KANSL1: variants seen among roughly 807,000 people sequenced by gnomAD.
The protein encoded by KANSL1 is MLL1/MLL complex subunit KANSL1.
A neutral mutation model predicts 103.6 loss-of-function variants in KANSL1; 22 were observed. The observed-to-expected ratio is 0.21, with a 90% CI of 0.15 to 0.30. The LOEUF (loss-of-function observed/expected upper bound fraction) is 0.30, where lower values mean the gene tolerates loss of function less well. Ranked by LOEUF, KANSL1 falls within the 10% of genes least tolerant of loss-of-function variation. The pLI is 1.00. For missense variants in KANSL1, 1,337 were observed against 1,399.8 expected (o/e 0.96, Z 0.72); for synonymous variants, 600 against 527.6 (o/e 1.14, Z -1.88).
intron 3 of KANSL1, among the ~76,000 whole-genome samples, chr17:46,082,854 A>AT (rs2079035217): frequency 6.6e-6 from 1 of 152,176 alleles, no homozygotes; most frequent in Non-Finnish European, 1.5e-5. Context: ...CCATATTACT[A>AT]GACTCCACTA....
intron 3 of KANSL1, among the ~76,000 whole-genome samples, chr17:46,084,474 G>C (rs539031210): frequency 6.6e-6 from 1 of 151,844 alleles, no homozygotes; most frequent in Non-Finnish European, 1.5e-5. Flanking sequence ...TTGAGGTTAG[G>C]AGTGCGAGAC....
chr17:46,072,795 T>G (rs1029463), intron 4 of KANSL1, among the ~76,000 whole-genome samples: 34,551 of 152,140 alleles, frequency 0.23, 4,469 homozygotes, highest in African/African-American at 0.32. Context: ...AAAATTACAT[T>G]ATAACAATTT....
intron 2 of KANSL1, among the ~76,000 whole-genome samples, chr17:46,104,593 G>A (rs748084520): frequency 6.6e-6 from 1 of 152,082 alleles, no homozygotes; most frequent in Non-Finnish European, 1.5e-5. Flanking sequence ...AAGTAAATTT[G>A]CAAAAAATAT....
intron 2 of KANSL1, among the ~76,000 whole-genome samples, chr17:46,137,152 C>T (rs62063210): frequency 0.11 from 17,207 of 150,174 alleles, no homozygotes; most frequent in Non-Finnish European, 0.17. Context: ...CCTATTCACA[C>T]TTATTCCCCT....
chr17:46,169,810 T>C (rs1388519314), intron 2 of KANSL1, among the ~76,000 whole-genome samples: 2 of 152,228 alleles, frequency 1.3e-5, no homozygotes, highest in African/African-American at 4.8e-5. Flanking sequence ...GAAACGTCTC[T>C]GTCTCCACCA....
At chr17:46,105,479 T>TG (rs112790197) in intron 2 of KANSL1, among the ~76,000 whole-genome samples, 21,518 of 151,294 alleles carry the variant, frequency 0.14, 2,092 homozygotes, top group Middle Eastern at 0.22. Flanking sequence ...TAGTAGGGAA[T>TG]GTGGTGGGTG....
intron 2 of KANSL1, among the ~76,000 whole-genome samples, chr17:46,162,498 T>C (rs2045792581): frequency 6.6e-6 from 1 of 152,266 alleles, no homozygotes; most frequent in South Asian, 2.1e-4. Context: ...CTTCTCCATC[T>C]TGACATATCC....
chr17:46,117,758 T>C (rs2043106824), intron 2 of KANSL1, among the ~76,000 whole-genome samples: 1 of 152,166 alleles, frequency 6.6e-6, no homozygotes, highest in Admixed American at 6.5e-5. Flanking sequence ...GGGAAAACAA[T>C]TTGCATTTTA....
At chr17:46,138,852 T>G (rs1245883213) in intron 2 of KANSL1, among the ~76,000 whole-genome samples, 1 of 152,198 alleles carries the variant, frequency 6.6e-6, no homozygotes. Context: ...GTTCACAATA[T>G]TAGGAGAAGT....
intron 6 of KANSL1, among the ~76,000 whole-genome samples, chr17:46,057,942 A>AT (rs1271710635): frequency 6.6e-6 from 1 of 152,246 alleles, no homozygotes. Context: ...AACAGGCAGT[A>AT]TAACACTGAG....
At chr17:46,097,089 G>GT (rs1438464615) in intron 2 of KANSL1, among the ~76,000 whole-genome samples, 1 of 152,196 alleles carries the variant, frequency 6.6e-6, no homozygotes, top group African/African-American at 2.4e-5. Flanking sequence ...AAGGAAACAG[G>GT]TTCACTGGAG....
At chr17:46,064,150 T>C (rs763316394) in intron 6 of KANSL1, among the ~76,000 whole-genome samples, 20 of 151,656 alleles carry the variant, frequency 1.3e-4, no homozygotes, top group Non-Finnish European at 2.6e-4. Context: ...GCTATTTTGA[T>C]ATTTCAGGTA....
At chr17:46,086,222 C>G (rs1030010367) in intron 3 of KANSL1, among the ~76,000 whole-genome samples, 8 of 152,128 alleles carry the variant, frequency 5.3e-5, no homozygotes, top group Admixed American at 2.0e-4. Flanking sequence ...TTTCCTTAAA[C>G]TACAGAATAA....
chr17:46,050,926 T>C (rs1172871428), intron 6 of KANSL1, among the ~76,000 whole-genome samples: 1 of 152,244 alleles, frequency 6.6e-6, no homozygotes, highest in Admixed American at 6.5e-5. Flanking sequence ...GGAAACTTGC[T>C]TCCTTTTCAT....
At chr17:46,068,051 T>C (rs1041363422) in intron 4 of KANSL1, among the ~76,000 whole-genome samples, 8 of 152,100 alleles carry the variant, frequency 5.3e-5, no homozygotes, top group Admixed American at 3.3e-4. Flanking sequence ...AGACTAAAAG[T>C]AAGTACCTAT....
At chr17:46,110,622 G>T (rs1033573562) in intron 2 of KANSL1, among the ~76,000 whole-genome samples, 1 of 152,190 alleles carries the variant, frequency 6.6e-6, no homozygotes, top group African/African-American at 2.4e-5. Context: ...GTGGAGGAAG[G>T]GGGGAGATGA....
At chr17:46,122,217 T>G (rs1035481101) in intron 2 of KANSL1, among the ~76,000 whole-genome samples, 5 of 152,172 alleles carry the variant, frequency 3.3e-5, no homozygotes, top group African/African-American at 1.2e-4. Context: ...TTCCTTTGAC[T>G]CTCTTAAAGG....
chr17:46,031,627 G>A lies in KANSL1; in HGVS notation c.3167C>T (p.Ala1056Val), dbSNP rs1363712616. 13 of 1,613,920 alleles carry A rather than the reference G, an allele frequency of 8.1e-6. No homozygotes were observed. The highest frequency in any genetic ancestry group is 1.1e-5 in the Non-Finnish European group (13 of 1,179,948). Residue 1056 changes from alanine to valine, a missense_variant, in exon 15 of 15, where the codon GCA (alanine) becomes GTA (valine). Transcript: ENST00000432791. ...PQAECEDQLD[A>V]QERAARCTRR... The stretch of plus-strand genomic sequence containing the variant: ...AGTGCAGCGGGCTGCTCGCTCCTGT[G>A]CATCCAGCTGGTCCTCACACTCCGC...
intron 2 of KANSL1, among the ~76,000 whole-genome samples, chr17:46,138,467 G>A (rs535057846): frequency 2.3e-4 from 35 of 152,310 alleles, no homozygotes; most frequent in Non-Finnish European, 3.4e-4. Flanking sequence ...ATGTGCATAG[G>A]TTATACACAA....
Sources: gnomAD v4.1 joint callset for allele counts (sites outside exome capture counted in the v4.1 genomes callset) on GRCh38, gnomAD v4.1.1 for gene constraint, MANE v1.5 for transcripts, NCBI Gene and HGNC (gene_info 2026-07-23, HGNC 2026-07-21) for gene names.